Variants in ABI3BP observed in about 807,000 individuals in gnomAD.
The protein encoded by ABI3BP is ABI family member 3 binding protein.
ABI3BP carries 216 observed loss-of-function variants against 268.6 expected under a neutral mutation model. That is an observed-to-expected ratio of 0.80 (90% confidence interval 0.72 to 0.90). The LOEUF (loss-of-function observed/expected upper bound fraction) is 0.90, where lower values mean the gene tolerates loss of function less well. ABI3BP is among the 40% of genes least tolerant of loss of function. The probability of loss-of-function intolerance (pLI) is 0.00; values close to 1 mark genes in which losing one functional copy is unlikely to be tolerated. For missense variants in ABI3BP, 2,090 were observed against 2,182.4 expected (o/e 0.96, Z 0.84); for synonymous variants, 730 against 730.0 (o/e 1.00, Z 0.00).
intron 66 of ABI3BP, among the ~76,000 whole-genome samples, chr3:100,752,113 GCTAA>G (rs1246091275): frequency 6.6e-6 from 1 of 152,104 alleles, no homozygotes; most frequent in Non-Finnish European, 1.5e-5. Context: ...CTTAGCTAGT[GCTAA>G]CTAACTTTTT....
At position 100,812,515 on chromosome 3, in the gene ABI3BP, C is replaced by A; in HGVS notation, c.3373G>T (p.Val1125Phe). ...EMTESQPVSD[V>F]LESVTLSTES... ...GTACTAAGTGTAACCGATTCCAGAA[C>A]ATCAGAAACTAGTAAAAAACAGAAA... Residue 1125 changes from valine to phenylalanine, a missense_variant, in exon 46 of 68, where the codon GTT becomes TTT. Val to Phe is a conservative substitution (Grantham distance 50). Coordinates refer to ENST00000471714, the MANE Select transcript of ABI3BP (RefSeq NM_001375547.2). 2 of 1,329,408 alleles carry A rather than the reference C, an allele frequency of 1.5e-6. No homozygotes were observed. Among genetic ancestry groups the A allele is most frequent in the Non-Finnish European group, 9.6e-7 (1 of 1,040,268 alleles). The allele number at this position is 1,329,408 out of a possible 1,614,324, so 82.4% of individuals were successfully genotyped here.
chr3:100,951,443 T>C (rs2074968474), intron 1 of ABI3BP, among the ~76,000 whole-genome samples: 1 of 152,012 alleles, frequency 6.6e-6, no homozygotes, highest in Admixed American at 6.6e-5. Context: ...AAGGCTACAA[T>C]CATAACTTAG....
At chr3:100,954,803 TG>T (rs2076255950) in intron 1 of ABI3BP, among the ~76,000 whole-genome samples, 1 of 152,060 alleles carries the variant, frequency 6.6e-6, no homozygotes, top group African/African-American at 2.4e-5. Flanking sequence ...TCTACAATTC[TG>T]GGCCCCAACT....
At chr3:100,855,133 G>A (rs2098925872) in intron 14 of ABI3BP, among the ~76,000 whole-genome samples, 2 of 152,098 alleles carry the variant, frequency 1.3e-5, no homozygotes, top group Non-Finnish European at 2.9e-5. Context: ...TCATCATGTT[G>A]GCCAGGCTGG....
At chr3:100,979,992 C>T (rs1192041175) in intron 1 of ABI3BP, among the ~76,000 whole-genome samples, 1 of 152,150 alleles carries the variant, frequency 6.6e-6, no homozygotes, top group East Asian at 1.9e-4. Flanking sequence ...AATGGTATTT[C>T]TTATTAGTCA....
chr3:100,816,812 G>C (rs1221821138), intron 42 of ABI3BP, 44 bp from the exon 43 acceptor site: 1 of 1,457,740 alleles, frequency 6.9e-7, no homozygotes, highest in East Asian at 2.5e-5. Context: ...GGTGGCTTTG[G>C]AGACAAAACT....
At chr3:100,896,250 T>C (rs541747892) in intron 4 of ABI3BP, among the ~76,000 whole-genome samples, 1 of 152,326 alleles carries the variant, frequency 6.6e-6, no homozygotes, top group East Asian at 1.9e-4. Context: ...GTGAGATCCA[T>C]GCATGGTCTG....
At chr3:100,784,865 A>AC (rs770475977) in intron 57 of ABI3BP, among the ~76,000 whole-genome samples, 10 of 152,166 alleles carry the variant, frequency 6.6e-5, no homozygotes, top group African/African-American at 9.7e-5. Context: ...GATATACCGA[A>AC]CTTTAGAGAC....
In ABI3BP at chr3:100,796,397, T is replaced by G. The variant is rs763444376; in HGVS notation, c.3817+12A>C. 71 of 1,566,028 alleles carry G rather than the reference T, an allele frequency of 4.5e-5. No individual in the cohort carries two copies. Among genetic ancestry groups the G allele is most frequent in the Non-Finnish European group, 5.9e-5 (68 of 1,157,686 alleles). ...ATACTTCTTAGCCAGAAGGATGAAA[T>G]AATTAATTTACCAGGTTCGCTCTGA... On this transcript the variant is annotated intron_variant, in intron 52 of 67. Coordinates refer to ENST00000471714, the MANE Select transcript of ABI3BP (RefSeq NM_001375547.2).
chr3:100,928,220 T>C (rs2062459827), intron 1 of ABI3BP, among the ~76,000 whole-genome samples: 1 of 152,054 alleles, frequency 6.6e-6, no homozygotes, highest in South Asian at 2.1e-4. Flanking sequence ...AGATAAAGGA[T>C]TCTGAACCTG....
rs76613240 is a variant in ABI3BP, at chr3:100,749,160, T to C, written c.*1335A>G. On this transcript the variant is annotated 3_prime_UTR_variant, in exon 68 of 68. Coordinates refer to ENST00000471714, the MANE Select transcript of ABI3BP (RefSeq NM_001375547.2). ...AAAAAATGCATTTGGTAATCGTTGGTTTAAAATGAACTTTATTACTTCATA... is the reference window on the plus strand; with the variant it reads ...AAAAAATGCATTTGGTAATCGTTGGCTTAAAATGAACTTTATTACTTCATA... 3,560 of 110,910 alleles carry C rather than the reference T, an allele frequency of 0.032. 425 individuals are homozygous for C. In the East Asian group the frequency reaches 0.44, roughly 14 times the overall value. 6.9% of individuals were successfully genotyped at this position (110,910 alleles called of 1,614,324 possible).
intron 4 of ABI3BP, among the ~76,000 whole-genome samples, chr3:100,893,304 C>T (rs1378885717): frequency 6.6e-6 from 1 of 152,124 alleles, no homozygotes; most frequent in Admixed American, 6.5e-5. Context: ...GACTGGCTTC[C>T]TTGTTCCTCA....
chr3:100,824,928 T>C lies in ABI3BP; in HGVS notation c.2676A>G (p.Ser892=). The stretch of plus-strand genomic sequence containing the variant: ...TGGGACGTGGAGGGCGGGTTCTTTT[T>C]GATGTTTTGGTAGCTGAAGGAAGAA... ...IPATTLATKT[S]KRTRPPRPRP... Residue 892 remains serine (S), a synonymous_variant, in exon 36 of 68, where the codon TCA becomes TCG. Transcript: ENST00000471714. 1.3e-6 allele frequency: 2 copies of C among 1,535,884 alleles called. No individual in the cohort carries two copies. The highest frequency in any genetic ancestry group is 1.7e-6 in the Non-Finnish European group (2 of 1,146,546).
At position 100,838,355 on chromosome 3, in the gene ABI3BP, A is replaced by C. The variant is rs945925299; in HGVS notation, c.2008+47T>G. On this transcript the variant is annotated intron_variant, in intron 25 of 67. Transcript: ENST00000471714. ...GAATGTGGAGATTAATGTTACTTAC[A>C]CATTGTTTTCCTATTTATAGATCAA... 2.0e-6 allele frequency: 3 copies of C among 1,528,396 alleles called. No individual in the cohort carries two copies. In the African/African-American group the frequency reaches 4.1e-5, roughly 21 times the overall value. The allele number at this position is 1,528,396 out of a possible 1,614,324, so 94.7% of individuals were successfully genotyped here.
intron 63 of ABI3BP, among the ~76,000 whole-genome samples, chr3:100,761,130 G>T (rs1174546161): frequency 1.3e-5 from 2 of 152,098 alleles, no homozygotes; most frequent in African/African-American, 4.8e-5. Flanking sequence ...TACAGTACTT[G>T]GTTTTCTGTT....
At chr3:100,844,007 C>G (rs1328401777) in intron 20 of ABI3BP, 1 of 982,946 alleles carries the variant, frequency 1.0e-6, no homozygotes, top group Non-Finnish European at 1.2e-6. Context: ...GCTTCAAAGT[C>G]AATTGCACAT....
At chr3:100,912,521 C>T (rs1453088303) in intron 2 of ABI3BP, among the ~76,000 whole-genome samples, 2 of 151,908 alleles carry the variant, frequency 1.3e-5, no homozygotes, top group South Asian at 4.2e-4. Flanking sequence ...TCATGAGACC[C>T]TAACAAGAAT....
intron 49 of ABI3BP, among the ~76,000 whole-genome samples, chr3:100,808,665 T>A (rs1320408641): frequency 3.3e-5 from 5 of 152,092 alleles, no homozygotes; most frequent in Non-Finnish European, 7.4e-5. Flanking sequence ...TGTATTTTAA[T>A]AGCAAGTGCT....
chr3:100,823,639 T>A, intron 36 of ABI3BP, 125 bp from the exon 37 acceptor site: 1 of 707,360 alleles, frequency 1.4e-6, no homozygotes, highest in Non-Finnish European at 2.2e-6. Context: ...ATTAACTTCT[T>A]AACTGAAGGA....
Sources: gnomAD v4.1 joint callset for allele counts (sites outside exome capture counted in the v4.1 genomes callset) on GRCh38, gnomAD v4.1.1 for gene constraint, MANE v1.5 for transcripts, NCBI Gene and HGNC (gene_info 2026-07-23, HGNC 2026-07-21) for gene names.